ZNF169: variants seen among roughly 807,000 people sequenced by gnomAD.
The protein encoded by ZNF169 is zinc finger protein 169.
ZNF169 carries 11 observed loss-of-function variants against 12.0 expected under a neutral mutation model. The observed-to-expected ratio is 0.92, with a 90% CI of 0.58 to 1.52. The LOEUF is 1.52. Among genes scored for constraint, ZNF169 ranks in the 40% most tolerant of loss-of-function variants. The pLI is 0.00. For missense variants in ZNF169, 722 were observed against 744.0 expected (o/e 0.97, Z 0.34); for synonymous variants, 302 against 286.5 (o/e 1.05, Z -0.55).
intron 2 of ZNF169, among the ~76,000 whole-genome samples, chr9:94,286,323 G>C (rs1043976118): frequency 6.6e-6 from 1 of 151,972 alleles, no homozygotes; most frequent in African/African-American, 2.4e-5. Context: ...ATTTTGTTTT[G>C]CATCCTTTCA....
chr9:94,266,372 C>T (rs1830293824), intron 1 of ZNF169, among the ~76,000 whole-genome samples: 1 of 152,130 alleles, frequency 6.6e-6, no homozygotes, highest in African/African-American at 2.4e-5. Context: ...CTGGCTACTT[C>T]CTGCTGAGAT....
chr9:94,273,575 C>CT (rs768421966), intron 1 of ZNF169, among the ~76,000 whole-genome samples: 35,498 of 104,812 alleles, frequency 0.34, 5,550 homozygotes, highest in Non-Finnish European at 0.39. Context: ...AACTTTCTTT[C>CT]TTTCTTTTTT....
chr9:94,297,333 G>A lies in ZNF169; in HGVS notation c.257-2482G>A, dbSNP rs572570051. ...TTGTTTTGTCATTTCTGGTATACAG[G>A]CCTTACATATCTCTTGTCAGATTTG... is the stretch of plus-strand genomic sequence containing the variant. On this transcript the variant is annotated intron_variant, in intron 4 of 4. Coordinates refer to ENST00000395395, the MANE Select transcript of ZNF169 (RefSeq NM_194320.4). Among the ~76,000 whole-genome samples the A allele has an allele frequency of 3.3e-5, 5 of 152,186 alleles. No homozygotes were observed. In the East Asian group the frequency reaches 9.6e-4, roughly 29 times the overall value.
chr9:94,301,330 C>T lies in ZNF169; in HGVS notation c.1772C>T (p.Thr591Ile). 1 of 1,614,028 alleles carries T rather than the reference C, an allele frequency of 6.2e-7. No individual in the cohort carries two copies. The highest frequency in any genetic ancestry group is 1.7e-5 in the Admixed American group (1 of 60,000). Residue 591 changes from threonine to isoleucine, a missense_variant, in exon 5 of 5, where the codon ACC becomes ATC. Coordinates refer to ENST00000395395, the MANE Select transcript of ZNF169 (RefSeq NM_194320.4). ...QKSHLHRHRR[T>I]KSGHQLLPQE... The stretch of plus-strand genomic sequence containing the variant: ...TCTCACTTGCATAGACACAGGAGGA[C>T]CAAGTCTGGTCATCAGCTCCTACCC...
At chr9:94,290,741 T>C (rs1830811644) in intron 2 of ZNF169, among the ~76,000 whole-genome samples, 2 of 152,340 alleles carry the variant, frequency 1.3e-5, no homozygotes, top group Admixed American at 1.3e-4. Context: ...TGTACAAGTA[T>C]CTGTTTGAGT....
intron 1 of ZNF169, among the ~76,000 whole-genome samples, chr9:94,273,575 CTTTCTTTTT>C (rs1329688627): frequency 2.7e-5 from 3 of 109,964 alleles, no homozygotes; most frequent in Non-Finnish European, 5.6e-5. Flanking sequence ...AACTTTCTTT[CTTTCTTTTT>C]TTTTTTTTTT....
rs1342423404 is a variant in ZNF169, at chr9:94,301,401, C to T, written c.*31C>T. ...CCTTTCCCCGTGAGTGTGAAGCTGG[C>T]AGAAATCACTAGTAAATGCTTCAGT... On this transcript the variant is annotated 3_prime_UTR_variant, in exon 5 of 5. Coordinates refer to ENST00000395395, the MANE Select transcript of ZNF169 (RefSeq NM_194320.4). 6.5e-7 allele frequency: 1 copy of T among 1,532,992 alleles called. No homozygotes were observed. The highest frequency in any genetic ancestry group is 2.2e-5 in the Admixed American group (1 of 45,746). 95.0% of individuals were successfully genotyped at this position (1,532,992 alleles called of 1,614,324 possible). A position where few individuals can be genotyped will look rare whatever the true frequency, so the allele number is the denominator to read the frequency against.
At chr9:94,291,800 A>G (rs1830844912) in intron 2 of ZNF169, among the ~76,000 whole-genome samples, 1 of 152,222 alleles carries the variant, frequency 6.6e-6, no homozygotes, top group Non-Finnish European at 1.5e-5. Context: ...AAAATCACAA[A>G]ATGTTGATGA....
At chr9:94,293,926 C>T (rs1830898766) in intron 4 of ZNF169, 2 of 152,492 alleles carry the variant, frequency 1.3e-5, no homozygotes, top group Non-Finnish European at 1.5e-5. Context: ...CTGATTGTGT[C>T]CCGTTCCTCC....
chr9:94,292,089 G>A (rs1037958842), intron 2 of ZNF169, among the ~76,000 whole-genome samples: 7 of 152,352 alleles, frequency 4.6e-5, no homozygotes, highest in African/African-American at 1.2e-4. Flanking sequence ...GTCCTGCTAT[G>A]TAGCTGCGAT....
At chr9:94,271,223 A>G (rs1006220155) in intron 1 of ZNF169, among the ~76,000 whole-genome samples, 10 of 149,840 alleles carry the variant, frequency 6.7e-5, no homozygotes, top group Admixed American at 4.1e-4. Flanking sequence ...AGCCTCCTGC[A>G]TAGCTGGGAC....
At chr9:94,279,026 GT>G (rs1830572044) in intron 2 of ZNF169, among the ~76,000 whole-genome samples, 181 bp downstream of exon 2, 1 of 152,228 alleles carries the variant, frequency 6.6e-6, no homozygotes, top group East Asian at 1.9e-4. Context: ...TTACCAAGTA[GT>G]TAACTGTGAC....
chr9:94,269,305 G>C lies in ZNF169; in HGVS notation c.-55-9453G>C, dbSNP rs532001193. ...TGAGCGAGCCCTCTTGCTTCCCTTG[G>C]TGGTACCGGACAAATGGCTTCGCAA... is the stretch of plus-strand genomic sequence containing the variant. On this transcript the variant is annotated intron_variant, in intron 1 of 4. Transcript: ENST00000395395. Among the ~76,000 whole-genome samples, 3 of 152,236 alleles carry C rather than the reference G, an allele frequency of 2.0e-5. No individual in the cohort carries two copies. In the Middle Eastern group the frequency reaches 0.01, roughly 518 times the overall value.
chr9:94,289,887 A>G (rs1830797995), intron 2 of ZNF169, among the ~76,000 whole-genome samples: 1 of 152,250 alleles, frequency 6.6e-6, no homozygotes, highest in Admixed American at 6.5e-5. Context: ...GAAATTTGTA[A>G]AGAAAACAAA....
chr9:94,265,268 A>G (rs1442817330), intron 1 of ZNF169, among the ~76,000 whole-genome samples: 1 of 151,974 alleles, frequency 6.6e-6, no homozygotes, highest in Non-Finnish European at 1.5e-5. Context: ...AGGCCTGGGA[A>G]TCATCACAAA....
intron 1 of ZNF169, among the ~76,000 whole-genome samples, chr9:94,274,903 C>G (rs532106601): frequency 5.7e-4 from 87 of 152,258 alleles, no homozygotes; most frequent in Admixed American, 1.5e-3. Context: ...TGCTGCTGCC[C>G]AGCATTGCAA....
chr9:94,269,512 C>T (rs958468476), intron 1 of ZNF169, among the ~76,000 whole-genome samples: 4 of 152,286 alleles, frequency 2.6e-5, no homozygotes, highest in African/African-American at 9.6e-5. Flanking sequence ...CTGGAATCCT[C>T]CTGAAGACTG....
At chr9:94,277,065 A>G (rs1196733570) in intron 1 of ZNF169, among the ~76,000 whole-genome samples, 1 of 152,202 alleles carries the variant, frequency 6.6e-6, no homozygotes, top group African/African-American at 2.4e-5. Context: ...TGAAACATAA[A>G]TACATTTAAG....
chr9:94,278,624 G>C, intron 1 of ZNF169, 134 bp from the exon 2 acceptor site: 1 of 515,818 alleles, frequency 1.9e-6, no homozygotes, highest in South Asian at 3.3e-5. Flanking sequence ...CTAAGAATGG[G>C]CTTCACCGAT....
Sources: gnomAD v4.1 joint callset for allele counts (sites outside exome capture counted in the v4.1 genomes callset) on GRCh38, gnomAD v4.1.1 for gene constraint, MANE v1.5 for transcripts, NCBI Gene and HGNC (gene_info 2026-07-23, HGNC 2026-07-21) for gene names.